The following LCOR variants were observed in gnomAD, a reference collection of about 807,000 sequenced individuals.
LCOR encodes the protein ligand-dependent corepressor.
LCOR carries 14 observed loss-of-function variants against 64.4 expected under a neutral mutation model. The observed-to-expected ratio is 0.22, with a 90% CI of 0.14 to 0.34. LCOR has a LOEUF of 0.34. LCOR is among the 10% of genes least tolerant of loss of function. The pLI, the probability that LCOR is intolerant of heterozygous loss-of-function variation, is 1.00. For missense variants in LCOR, 1,686 were observed against 1,765.3 expected (o/e 0.96, Z 0.80); for synonymous variants, 643 against 642.5 (o/e 1.00, Z -0.01).
chr10:96,833,326 G>A, intron 1 of LCOR, 80 bp from the exon 2 acceptor site: 3 of 958,994 alleles, frequency 3.1e-6, no homozygotes, highest in African/African-American at 1.8e-5. Context: ...AGGGAGCGCG[G>A]ACGGGGGCGC....
intron 2 of LCOR, among the ~76,000 whole-genome samples, chr10:96,901,405 T>A (rs2134446345): frequency 6.6e-6 from 1 of 152,264 alleles, no homozygotes; most frequent in African/African-American, 2.4e-5. Context: ...TTAAGTAAAA[T>A]TAAGTGAAAT....
At chr10:96,896,807 C>G (rs186647298) in intron 2 of LCOR, among the ~76,000 whole-genome samples, 2 of 151,990 alleles carry the variant, frequency 1.3e-5, no homozygotes, top group Non-Finnish European at 1.5e-5. Context: ...ATAAAGCTCC[C>G]GCAAGCATGC....
chr10:96,969,911 C>T (rs140737834), intron 7 of LCOR, among the ~76,000 whole-genome samples: 1 of 143,316 alleles, frequency 7.0e-6, no homozygotes, highest in African/African-American at 2.6e-5. Flanking sequence ...TCCCGAGAAG[C>T]TGGGACTACA....
At chr10:96,952,325 A>T in intron 7 of LCOR, 129 bp downstream of exon 7, 1 of 614,880 alleles carries the variant, frequency 1.6e-6, no homozygotes, top group Non-Finnish European at 2.8e-6. Context: ...TGGACCATAG[A>T]TCAAATAAAA....
At chr10:96,893,977 AAT>A (rs1589637573) in intron 2 of LCOR, among the ~76,000 whole-genome samples, 1 of 152,328 alleles carries the variant, frequency 6.6e-6, no homozygotes, top group East Asian at 1.9e-4. Flanking sequence ...ATGAAGGAAA[AAT>A]AAAGTGAAAG....
At chr10:96,939,031 T>A (rs531686370) in intron 4 of LCOR, among the ~76,000 whole-genome samples, 14 of 152,358 alleles carry the variant, frequency 9.2e-5, no homozygotes, top group Admixed American at 7.2e-4. Flanking sequence ...TATGAAAATT[T>A]AAGAGACTTC....
rs1036261253 is a variant in LCOR, at chr10:96,982,925, C to G, written c.2465C>G (p.Ser822Trp). ...ASDRCLRSQL[S>W]DSSSADRCLR... Reference sequence around the variant, plus strand: ...GATAGGTGCCTAAGAAGTCAACTTTCGGATTCTTCCTCTGCTGACAGATGC... The same window carrying G: ...GATAGGTGCCTAAGAAGTCAACTTTGGGATTCTTCCTCTGCTGACAGATGC... Residue 822 changes from serine to tryptophan, a missense_variant, in exon 8 of 8, where the codon TCG (serine) becomes TGG (tryptophan). Transcript: ENST00000421806. 3 of 1,613,594 alleles carry G rather than the reference C, an allele frequency of 1.9e-6. No homozygotes were observed. Among genetic ancestry groups the G allele is most frequent in the Non-Finnish European group, 2.5e-6 (3 of 1,179,926 alleles).
chr10:96,959,750 T>C (rs1034752315), intron 7 of LCOR: 22 of 152,326 alleles, frequency 1.4e-4, no homozygotes, highest in African/African-American at 5.3e-4. Context: ...AAGTTTGTTG[T>C]TCTGAAGTTT....
Position 96,972,752 on chromosome 10 carries a change from T to A in LCOR, c.333-8041T>A, listed in dbSNP as rs1848009317. Reference sequence around the variant, plus strand: ...TATTAAGCCTTAAGATGCAGAAAGGTAGCAAACTATGGCTTCATGCCCAGT... The same window carrying A: ...TATTAAGCCTTAAGATGCAGAAAGGAAGCAAACTATGGCTTCATGCCCAGT... On this transcript the variant is annotated intron_variant, in intron 7 of 7. Transcript: ENST00000421806. Among the ~76,000 whole-genome samples the A allele has an allele frequency of 2.6e-5, 4 of 152,180 alleles. No homozygotes were observed. The South Asian group carries it at 8.3e-4, about 32-fold the overall frequency.
intron 5 of LCOR, among the ~76,000 whole-genome samples, chr10:96,945,148 C>A (rs1430286690): frequency 6.6e-6 from 1 of 152,162 alleles, no homozygotes; most frequent in Admixed American, 6.5e-5. Context: ...ACTTAATCTT[C>A]AGCAGACTCA....
At chr10:96,957,564 T>G (rs1847805526) in intron 7 of LCOR, 1 of 985,158 alleles carries the variant, frequency 1.0e-6, no homozygotes, top group Admixed American at 6.2e-5. Context: ...AAACAAACAT[T>G]ATTGGAGTTT....
chr10:96,894,853 T>A (rs772795533), intron 2 of LCOR, among the ~76,000 whole-genome samples: 3 of 152,226 alleles, frequency 2.0e-5, no homozygotes, highest in Non-Finnish European at 4.4e-5. Flanking sequence ...GATATGTCTT[T>A]ATTTCAATAA....
chr10:96,940,303 ATTTTTTTTTTTTTTTTTT>A (rs552752409), intron 4 of LCOR, among the ~76,000 whole-genome samples: 30 of 65,454 alleles, frequency 4.6e-4, no homozygotes, highest in African/African-American at 1.6e-3. Flanking sequence ...GGTGGTCATG[ATTTTTTTTTTTTTTTTTT>A]TTTTTTTTTT....
chr10:96,880,992 A>G (rs563878587), intron 2 of LCOR, among the ~76,000 whole-genome samples: 2 of 152,246 alleles, frequency 1.3e-5, no homozygotes, highest in East Asian at 1.9e-4. Context: ...GTCTTAGTGC[A>G]TTTGAACTTA....
At chr10:96,954,779 A>G (rs1416825093) in intron 7 of LCOR, among the ~76,000 whole-genome samples, 1 of 151,932 alleles carries the variant, frequency 6.6e-6, no homozygotes, top group African/African-American at 2.4e-5. Flanking sequence ...TTTTGTGAAC[A>G]AGTTTTAAAA....
chr10:96,969,656 T>C (rs1222274043), intron 7 of LCOR, among the ~76,000 whole-genome samples: 1 of 152,206 alleles, frequency 6.6e-6, no homozygotes, highest in African/African-American at 2.4e-5. Flanking sequence ...GGGACAATTA[T>C]GCCTATTTAA....
At chr10:96,903,016 T>G (rs1846667397) in intron 2 of LCOR, among the ~76,000 whole-genome samples, 1 of 152,216 alleles carries the variant, frequency 6.6e-6, no homozygotes, top group Non-Finnish European at 1.5e-5. Context: ...TACTGAATAC[T>G]GTAGGAAATA....
chr10:96,979,015 G>A (rs909640174), intron 7 of LCOR, among the ~76,000 whole-genome samples: 1 of 152,226 alleles, frequency 6.6e-6, no homozygotes, highest in African/African-American at 2.4e-5. Flanking sequence ...AGAGCCAAAG[G>A]TGGAATCTCG....
chr10:96,947,095 G>A (rs1471502393), intron 5 of LCOR, among the ~76,000 whole-genome samples: 1 of 151,996 alleles, frequency 6.6e-6, no homozygotes, highest in Non-Finnish European at 1.5e-5. Flanking sequence ...TATTTAAAAA[G>A]CAGTGTATGG....
Sources: gnomAD v4.1 joint callset for allele counts (sites outside exome capture counted in the v4.1 genomes callset) on GRCh38, gnomAD v4.1.1 for gene constraint, MANE v1.5 for transcripts, NCBI Gene and HGNC (gene_info 2026-07-23, HGNC 2026-07-21) for gene names.